Variants in SMYD4 observed in about 807,000 individuals in gnomAD.
The protein encoded by SMYD4 is SET and MYND domain containing 4.
Under a neutral mutation model 72.8 loss-of-function variants are expected in SMYD4, and 68 were observed. The observed-to-expected ratio is 0.93, with a 90% CI of 0.77 to 1.14. The LOEUF is 1.14. Ranked by LOEUF, SMYD4 falls within the 50% of genes most tolerant of loss-of-function variation. SMYD4 has a pLI of 0.00. For synonymous variants in SMYD4, 407 were observed against 388.6 expected (o/e 1.05, Z -0.56); for missense variants, 984 against 1,003.7 (o/e 0.98, Z 0.27).
At chr17:1,808,030 T>C (rs919691596) in intron 3 of SMYD4, among the ~76,000 whole-genome samples, 1 of 152,160 alleles carries the variant, frequency 6.6e-6, no homozygotes, top group Non-Finnish European at 1.5e-5. Flanking sequence ...ATCCCCATAG[T>C]CTGCCAGAGG....
intron 2 of SMYD4, among the ~76,000 whole-genome samples, chr17:1,818,683 A>G (rs115155795): frequency 0.011 from 1,617 of 151,980 alleles, 27 homozygotes; most frequent in African/African-American, 0.035. Flanking sequence ...TTTTCGAGAC[A>G]GGTCTCACTT....
intron 1 of SMYD4, 30 bp from the exon 2 acceptor site, chr17:1,828,036 T>C: frequency 6.3e-7 from 1 of 1,585,546 alleles, no homozygotes; most frequent in Non-Finnish European, 8.6e-7. Flanking sequence ...ATAGGAATCT[T>C]ACAAATGCAC....
chr17:1,811,900 C>G (rs1910345724), intron 3 of SMYD4, 71 bp downstream of exon 3: 2 of 1,550,580 alleles, frequency 1.3e-6, no homozygotes, highest in Admixed American at 1.8e-5. Flanking sequence ...GTACTCCAGC[C>G]TGGGTAACAC....
chr17:1,787,469 C>T lies in SMYD4; in HGVS notation c.1673G>A (p.Arg558Gln), dbSNP rs753110626. Residue 558 changes from arginine (R) to glutamine (Q), a missense_variant, in exon 6 of 11, where the codon CGG becomes CAG. Physicochemically the swap from Arg to Gln is conservative, Grantham distance 43 (BLOSUM62 1). Coordinates refer to ENST00000305513, the MANE Select transcript of SMYD4 (RefSeq NM_052928.3). ...VSFISTVATIRASQRIRKGQE... is the reference protein window; with the variant it reads ...VSFISTVATIQASQRIRKGQE... ...CCCCTTTCTAATCCGCTGTGACGCC[C>T]GGATGGTGGCGACAGTGCTAATGAA... 59 of 1,566,070 alleles carry T rather than the reference C, an allele frequency of 3.8e-5. No individual in the cohort carries two copies. The highest frequency in any genetic ancestry group is 1.1e-4 in the African/African-American group (8 of 73,998).
At chr17:1,792,188 G>A (rs1437261878) in intron 5 of SMYD4, among the ~76,000 whole-genome samples, 12 of 151,798 alleles carry the variant, frequency 7.9e-5, no homozygotes, top group Non-Finnish European at 1.8e-4. Flanking sequence ...GACTACAGGC[G>A]CCCGCAACCA....
At chr17:1,826,649 C>T (rs913752641) in intron 2 of SMYD4, among the ~76,000 whole-genome samples, 1 of 152,070 alleles carries the variant, frequency 6.6e-6, no homozygotes, top group African/African-American at 2.4e-5. Context: ...CTACTATGTG[C>T]CTGGCACAAA....
chr17:1,783,582 T>C, intron 8 of SMYD4, 106 bp from the exon 9 acceptor site: 1 of 1,495,438 alleles, frequency 6.7e-7, no homozygotes, highest in Non-Finnish European at 8.9e-7. Context: ...ATGTGGAAAT[T>C]CCCCCTGGCC....
At chr17:1,809,303 A>T (rs1910200976) in intron 3 of SMYD4, among the ~76,000 whole-genome samples, 3 of 152,106 alleles carry the variant, frequency 2.0e-5, no homozygotes. Context: ...TGCTCAGGGG[A>T]TCTTGTTCCA....
At chr17:1,805,422 A>G (rs1265696341) in intron 3 of SMYD4, among the ~76,000 whole-genome samples, 1 of 152,162 alleles carries the variant, frequency 6.6e-6, no homozygotes, top group Admixed American at 6.6e-5. Context: ...AACAAAAAAG[A>G]ATACTTTTTT....
At chr17:1,819,961 C>T (rs558997211) in intron 2 of SMYD4, among the ~76,000 whole-genome samples, 6 of 151,750 alleles carry the variant, frequency 4.0e-5, no homozygotes, top group Non-Finnish European at 8.8e-5. Flanking sequence ...CTAATTTTTG[C>T]ATTTTTAGTA....
In SMYD4 at chr17:1,800,548, G is replaced by A. The variant is rs1471558708; in HGVS notation, c.846C>T (p.Asp282=). 1.9e-6 allele frequency: 3 copies of A among 1,614,096 alleles called. No individual in the cohort carries two copies. Among genetic ancestry groups the A allele is most frequent in the African/African-American group, 1.3e-5 (1 of 74,938 alleles). The change falls in exon 5 of 11, where the codon GAC becomes GAT. Residue 282 remains aspartate (D), a synonymous_variant. Coordinates refer to ENST00000305513, the MANE Select transcript of SMYD4 (RefSeq NM_052928.3). The part of the protein sequence containing the change: ...GELPPPHHGL[D]SKWDTRVTNG... ...TGGTGACTCTGGTGTCCCATTTGCT[G>A]TCTAGGCCGTGATGCGGTGGTGGCA...
At position 1,783,018 on chromosome 17, in the gene SMYD4, G is replaced by A; in HGVS notation, c.2261+17C>T. On this transcript the variant is annotated intron_variant, in intron 10 of 10. Transcript: ENST00000305513. ...AAAGGAACAGTGTGTGCCCTGTGAA[G>A]TGGGAAAGGGACTCACCCGTTGAAA... 2.5e-6 allele frequency: 4 copies of A among 1,611,714 alleles called. No individual in the cohort carries two copies. Among genetic ancestry groups the A allele is most frequent in the Non-Finnish European group, 3.4e-6 (4 of 1,179,328 alleles).
At chr17:1,828,352 G>GA (rs56999254) in intron 1 of SMYD4, among the ~76,000 whole-genome samples, 7,953 of 129,712 alleles carry the variant, frequency 0.061, 749 homozygotes, top group African/African-American at 0.2. Context: ...CTCTGTCTCG[G>GA]AAAAAAAAAA....
intron 5 of SMYD4, among the ~76,000 whole-genome samples, chr17:1,792,924 GTTTTTA>G (rs1002234237): frequency 1.0e-4 from 15 of 144,938 alleles, no homozygotes; most frequent in African/African-American, 3.7e-4. Context: ...CATTATGCAT[GTTTTTA>G]TTTTTATCTT....
At chr17:1,787,673 C>T (rs1461195668) in intron 5 of SMYD4, 69 bp from the exon 6 acceptor site, 2 of 1,460,948 alleles carry the variant, frequency 1.4e-6, no homozygotes, top group African/African-American at 2.8e-5. Context: ...CTCTGTTCCT[C>T]AGAAGATGAG....
In SMYD4 at chr17:1,801,003, T is replaced by A. The variant is rs757151668; in HGVS notation, c.391A>T (p.Arg131Ter). The A allele has an allele frequency of 1.9e-6, 3 of 1,608,958 alleles. No homozygotes were observed. Among genetic ancestry groups the A allele is most frequent in the East Asian group, 4.5e-5 (2 of 44,732 alleles). Residue 131 changes from arginine (R) to a stop codon, truncating the protein, a stop_gained, in exon 5 of 11, where the codon AGA becomes TGA. Coordinates refer to ENST00000305513, the MANE Select transcript of SMYD4 (RefSeq NM_052928.3). LOFTEE classifies it high-confidence loss of function. Reference protein sequence around the residue: ...QYETCLKDINRAQTHGYPERL... With the variant: ...QYETCLKDIN Reference sequence around the variant, plus strand: ...TCTGGATACCCATGTGTCTGTGCTCTGTTAATGTCTTTAAGACACGTCTGA... The same window carrying A: ...TCTGGATACCCATGTGTCTGTGCTCAGTTAATGTCTTTAAGACACGTCTGA...
At chr17:1,803,007 G>C (rs1435602524) in intron 4 of SMYD4, among the ~76,000 whole-genome samples, 2 of 152,206 alleles carry the variant, frequency 1.3e-5, no homozygotes, top group African/African-American at 4.8e-5. Context: ...AGCCGGGCGT[G>C]GTGGTGCACG....
At chr17:1,790,246 T>C (rs1908947727) in intron 5 of SMYD4, among the ~76,000 whole-genome samples, 1 of 152,250 alleles carries the variant, frequency 6.6e-6, no homozygotes, top group South Asian at 2.1e-4. Context: ...GAATTATTTA[T>C]AGATTACCCT....
At chr17:1,788,321 C>T (rs1490360969) in intron 5 of SMYD4, among the ~76,000 whole-genome samples, 1 of 152,016 alleles carries the variant, frequency 6.6e-6, no homozygotes, top group Non-Finnish European at 1.5e-5. Context: ...CACTGCACTC[C>T]AGCCTGGGTG....
Sources: allele counts gnomAD v4.1 joint callset (sites outside exome capture counted in the v4.1 genomes callset), GRCh38; gene constraint gnomAD v4.1.1; transcripts MANE v1.5; gene names NCBI Gene and HGNC (gene_info 2026-07-23, HGNC 2026-07-21).